The following DLEU7 variants were observed in gnomAD, a reference collection of about 807,000 sequenced individuals.
DLEU7 encodes the protein deleted in lymphocytic leukemia 7, also known as leukemia-associated protein 7.
Under a neutral mutation model 16.0 loss-of-function variants are expected in DLEU7, and 17 were observed. That is an observed-to-expected ratio of 1.06 (90% CI 0.73 to 1.59). DLEU7 has a LOEUF of 1.59. Among genes scored for constraint, DLEU7 ranks in the 40% most tolerant of loss-of-function variants. The probability of loss-of-function intolerance (pLI) is 0.00; values close to 1 mark genes in which losing one functional copy is unlikely to be tolerated. For missense variants in DLEU7, 308 were observed against 314.9 expected (o/e 0.98, Z 0.17); for synonymous variants, 113 against 139.8 (o/e 0.81, Z 1.35).
At position 50,843,219 on chromosome 13, in the gene DLEU7, T is replaced by C; in HGVS notation, c.428A>G (p.Gln143Arg). Reference sequence around the variant, plus strand: ...GTGAATGGGAAAGGACCGCTCCTGCTGGAGGGGCCCCAGCAGCGTCTGCTC... The same window carrying C: ...GTGAATGGGAAAGGACCGCTCCTGCCGGAGGGGCCCCAGCAGCGTCTGCTC... ...SVEQTLLGPLQQERSFPIHLK... is the reference protein window; with the variant it reads ...SVEQTLLGPLRQERSFPIHLK... The change falls in exon 1 of 2, where the codon CAG (glutamine) becomes CGG (arginine). Residue 143 changes from glutamine (Q) to arginine (R), a missense_variant. By Grantham distance (43) the Gln-to-Arg change is conservative. Coordinates refer to ENST00000504404, the MANE Select transcript of DLEU7 (RefSeq NM_001306135.2). The surrounding 1 kb of genome is among the most constrained non-coding windows in gnomAD (Gnocchi z 5.7). The C allele has an allele frequency of 1.3e-6, 2 of 1,593,910 alleles. No individual in the cohort carries two copies. The highest frequency in any genetic ancestry group is 1.4e-5 in the African/African-American group (1 of 72,906).
chr13:50,720,176 A>G (rs1426813578), intron 1 of DLEU7, among the ~76,000 whole-genome samples: 1 of 152,202 alleles, frequency 6.6e-6, no homozygotes, highest in Non-Finnish European at 1.5e-5. Context: ...GCCAACCTCT[A>G]GGCTTGGAAC....
chr13:50,718,330 T>C (rs1177246145), intron 1 of DLEU7, among the ~76,000 whole-genome samples: 1 of 152,180 alleles, frequency 6.6e-6, no homozygotes. Flanking sequence ...GTGGAACCAT[T>C]TGGGTGCCAT....
At chr13:50,727,142 G>A (rs183562565) in intron 1 of DLEU7, among the ~76,000 whole-genome samples, 1 of 152,142 alleles carries the variant, frequency 6.6e-6, no homozygotes, top group Non-Finnish European at 1.5e-5. Context: ...CGAGGTCTAT[G>A]ACTTTTTTGT....
chr13:50,822,673 C>A, downstream of DLEU7: 3 of 985,256 alleles, frequency 3.0e-6, no homozygotes, highest in Non-Finnish European at 3.6e-6. Context: ...ATTTACATAT[C>A]ATACATGATT....
chr13:50,732,068 A>G (rs1335979567), intron 1 of DLEU7, among the ~76,000 whole-genome samples: 1 of 152,238 alleles, frequency 6.6e-6, no homozygotes, highest in Non-Finnish European at 1.5e-5. Context: ...CTTGGCTGTC[A>G]GCAACTTTGC....
At chr13:50,778,483 CAGGT>C (rs1305576822) in intron 1 of DLEU7, among the ~76,000 whole-genome samples, 3 of 152,180 alleles carry the variant, frequency 2.0e-5, no homozygotes, top group African/African-American at 7.2e-5. Context: ...TATGAGAAAT[CAGGT>C]GGGTGCTCTT....
At chr13:50,711,779 G>GGGGGGGGGCGGC (rs1555287138), downstream of DLEU7, 33 of 135,682 alleles carry the variant, frequency 2.4e-4, 4 homozygotes, top group African/African-American at 9.4e-4. Context: ...TGGCGGGGGC[G>GGGGGGGGGCGGC]GGGGGCATTA....
At chr13:50,763,805 C>T (rs764877420) in intron 1 of DLEU7, among the ~76,000 whole-genome samples, 1 of 152,186 alleles carries the variant, frequency 6.6e-6, no homozygotes, top group African/African-American at 2.4e-5. Flanking sequence ...GACCAGAAGC[C>T]AACCCCATCA....
intron 1 of DLEU7, among the ~76,000 whole-genome samples, chr13:50,763,245 C>T (rs946075637): frequency 1.3e-5 from 2 of 152,098 alleles, no homozygotes; most frequent in Admixed American, 6.5e-5. Flanking sequence ...AATAAGGAGG[C>T]TGGATCTAGT....
chr13:50,733,728 C>T (rs1593532976), intron 1 of DLEU7, among the ~76,000 whole-genome samples: 1 of 152,226 alleles, frequency 6.6e-6, no homozygotes, highest in East Asian at 1.9e-4. Flanking sequence ...CTAATAAAGC[C>T]CACTTAACAA....
At chr13:50,746,974 T>A (rs567196055) in intron 1 of DLEU7, among the ~76,000 whole-genome samples, 2 of 152,160 alleles carry the variant, frequency 1.3e-5, no homozygotes, top group East Asian at 3.9e-4. Context: ...CACACACATG[T>A]ATAGAGTGAA....
At chr13:50,814,372 T>A (rs754211621) in intron 1 of DLEU7, among the ~76,000 whole-genome samples, 1 of 151,988 alleles carries the variant, frequency 6.6e-6, no homozygotes, top group African/African-American at 2.4e-5. Flanking sequence ...AGCCGTCCAC[T>A]CACTCACTCA....
intron 1 of DLEU7, among the ~76,000 whole-genome samples, chr13:50,798,641 C>T (rs1314636721): frequency 6.6e-6 from 1 of 152,198 alleles, no homozygotes; most frequent in African/African-American, 2.4e-5. Flanking sequence ...AGCTATTTGG[C>T]TGCTCCCAAC....
intron 1 of DLEU7, among the ~76,000 whole-genome samples, chr13:50,826,720 CAAGTT>C (rs1038618505): frequency 1.3e-5 from 2 of 152,068 alleles, no homozygotes; most frequent in African/African-American, 4.8e-5. Flanking sequence ...ATAGGGAGAA[CAAGTT>C]AAGTGAAATC....
intron 1 of DLEU7, among the ~76,000 whole-genome samples, chr13:50,772,765 A>T (rs1344173153): frequency 1.3e-5 from 2 of 151,852 alleles, no homozygotes; most frequent in Admixed American, 1.3e-4. Context: ...CTTCTCGAGG[A>T]GTATCTTTGT....
intron 1 of DLEU7, among the ~76,000 whole-genome samples, chr13:50,829,539 A>G (rs532885224): frequency 6.6e-6 from 1 of 152,300 alleles, no homozygotes; most frequent in East Asian, 1.9e-4. Context: ...TTTACTGTAA[A>G]GAATCAAAGA....
chr13:50,734,881 G>T (rs2137719884), intron 1 of DLEU7, among the ~76,000 whole-genome samples: 1 of 152,230 alleles, frequency 6.6e-6, no homozygotes, highest in East Asian at 1.9e-4. Context: ...ACAAAATAAA[G>T]ATAAGGCATA....
chr13:50,746,241 G>A (rs74081120), intron 1 of DLEU7, among the ~76,000 whole-genome samples: 2,918 of 152,252 alleles, frequency 0.019, 91 homozygotes, highest in African/African-American at 0.066. Context: ...TGTTGGCTAG[G>A]TATTTTTTAC....
At chr13:50,721,741 A>G (rs1046380521) in intron 1 of DLEU7, among the ~76,000 whole-genome samples, 4 of 152,172 alleles carry the variant, frequency 2.6e-5, no homozygotes, top group African/African-American at 7.2e-5. Context: ...AAGCAAGCCA[A>G]CCCTTGCAAG....
Sources: allele counts gnomAD v4.1 joint callset (sites outside exome capture counted in the v4.1 genomes callset), GRCh38; gene constraint gnomAD v4.1.1; non-coding constraint Gnocchi (gnomAD v3.1); transcripts MANE v1.5; gene names NCBI Gene and HGNC (gene_info 2026-07-23, HGNC 2026-07-21).